TACC3: variants seen among roughly 807,000 people sequenced by gnomAD.
TACC3 encodes transforming acidic coiled-coil containing protein 3.
TACC3 carries 52 observed loss-of-function variants against 86.0 expected under a neutral mutation model. That is an observed-to-expected ratio of 0.60 (90% CI 0.48 to 0.76). The LOEUF (loss-of-function observed/expected upper bound fraction) is 0.76, where lower values mean the gene tolerates loss of function less well. Among genes scored for constraint, TACC3 ranks in the 30% least tolerant of loss-of-function variants. The probability of loss-of-function intolerance (pLI) is 0.00; values close to 1 mark genes in which losing one functional copy is unlikely to be tolerated. For missense variants in TACC3, 1,120 were observed against 1,070.4 expected (o/e 1.05, Z -0.65); for synonymous variants, 512 against 430.0 (o/e 1.19, Z -2.36).
Position 1,735,195 on chromosome 4 carries a change from T to G in TACC3, c.1592-78T>G. On this transcript the variant is annotated intron_variant, in intron 6 of 15. Coordinates refer to ENST00000313288, the MANE Select transcript of TACC3 (RefSeq NM_006342.3). This position sits in a 1 kb window ranked among gnomAD's most constrained non-coding sequence, Gnocchi z 4.2. ...GCTGGAATGATCCTGCCTCACTGAGTGCTGAGGGAGACACCAGCCCGCCGC... is the reference window on the plus strand; with the variant it reads ...GCTGGAATGATCCTGCCTCACTGAGGGCTGAGGGAGACACCAGCCCGCCGC... 1 of 1,561,050 alleles carries G rather than the reference T, an allele frequency of 6.4e-7. No individual in the cohort carries two copies. The highest frequency in any genetic ancestry group is 8.8e-7 in the Non-Finnish European group (1 of 1,133,930).
Position 1,724,028 on chromosome 4 carries a change from G to A in TACC3, c.305+158G>A, listed in dbSNP as rs545432581. On this transcript the variant is annotated intron_variant, in intron 3 of 15. Transcript: ENST00000313288. ...CTGTTGCCCACGCTGGAGTGCAGTGGCGCGATGTCCGCTCACTGCAAGCTC... is the reference window on the plus strand; with the variant it reads ...CTGTTGCCCACGCTGGAGTGCAGTGACGCGATGTCCGCTCACTGCAAGCTC... Among the ~76,000 whole-genome samples the A allele has an allele frequency of 1.3e-3, 199 of 152,074 alleles. 2 individuals carry two copies. Among genetic ancestry groups the A allele is most frequent in the African/African-American group, 4.5e-3 (185 of 41,480 alleles).
At chr4:1,739,038 G>A (rs998745726) in intron 10 of TACC3, among the ~76,000 whole-genome samples, 1 of 152,210 alleles carries the variant, frequency 6.6e-6, no homozygotes, top group Admixed American at 6.5e-5. Flanking sequence ...GCCGGGTGCA[G>A]TGGGTCACGC....
intron 13 of TACC3, among the ~76,000 whole-genome samples, chr4:1,744,065 G>C (rs1168711705): frequency 2.0e-5 from 3 of 152,206 alleles, no homozygotes; most frequent in Non-Finnish European, 4.4e-5. Flanking sequence ...TCACTGAGCG[G>C]AAGGTGCCCC....
At position 1,728,388 on chromosome 4, in the gene TACC3, GCTC is replaced by G; in HGVS notation, c.990_992del (p.Ser331del). The G allele has an allele frequency of 6.2e-7, 1 of 1,613,154 alleles. No homozygotes were observed. The highest frequency in any genetic ancestry group is 8.5e-7 in the Non-Finnish European group (1 of 1,180,018). The stretch of plus-strand genomic sequence containing the variant: ...GAAGTGGCTGCAGGCCAAATGGCCA[GCTC>G]CTCGAGGAGCGGACCTGTAAAACTA... On this transcript the variant is annotated inframe_deletion, in exon 4 of 16. Transcript: ENST00000313288.
chr4:1,736,529 C>G (rs756260613), intron 8 of TACC3, among the ~76,000 whole-genome samples: 1 of 151,834 alleles, frequency 6.6e-6, no homozygotes, highest in African/African-American at 2.4e-5. Context: ...CGTCACAGAG[C>G]CATGCCCGTT....
Position 1,739,749 on chromosome 4 carries a change from G to A in TACC3, c.1989G>A (p.Glu663=), listed in dbSNP as rs1356721123. 6.3e-7 allele frequency: 1 copy of A among 1,587,226 alleles called. No individual in the cohort carries two copies. The change falls in exon 11 of 16, where the codon GAG becomes GAA. Residue 663 remains glutamate (E), a synonymous_variant. Coordinates refer to ENST00000313288, the MANE Select transcript of TACC3 (RefSeq NM_006342.3). Reference sequence around the variant, plus strand: ...ACCGGGAGCTGAGGAGCAGGTGTGAGGAGCTCCACGGGAAGAACCTGGAAC... The same window carrying A: ...ACCGGGAGCTGAGGAGCAGGTGTGAAGAGCTCCACGGGAAGAACCTGGAAC... The part of the protein sequence containing the change: ...EENRELRSRC[E]ELHGKNLELG...
At chr4:1,738,830 G>A (rs193097658) in intron 10 of TACC3, among the ~76,000 whole-genome samples, 49 of 152,142 alleles carry the variant, frequency 3.2e-4, no homozygotes, top group Middle Eastern at 3.4e-3. Flanking sequence ...GTAGTTTGAC[G>A]GGAAGGACGG....
chr4:1,737,562 C>T (rs377351034), intron 9 of TACC3, 36 bp from the exon 10 acceptor site: 66 of 1,454,110 alleles, frequency 4.5e-5, no homozygotes, highest in Non-Finnish European at 5.8e-5. Context: ...GAGGCAAGGG[C>T]GAAATGGGTT....
At chr4:1,727,636 G>C in intron 3 of TACC3, 72 bp from the exon 4 acceptor site, 1 of 1,520,510 alleles carries the variant, frequency 6.6e-7, no homozygotes, top group South Asian at 1.3e-5. Flanking sequence ...AACCTATGTT[G>C]AGAATGAATG....
In TACC3 at chr4:1,728,580, AC is replaced by A. The variant is rs757553939; in HGVS notation, c.1185del (p.Met396CysfsTer65). The part of the protein sequence containing the change: ...EDDGRSGAGE[D>X]PPMPASRGSY... The stretch of plus-strand genomic sequence containing the variant: ...GACGGTAGGAGCGGAGCAGGAGAGG[AC>A]CCCCCCATGCCAGCTTCTCGGGGCT... On this transcript the variant is annotated frameshift_variant, in exon 4 of 16. Transcript: ENST00000313288. LOFTEE classifies it high-confidence loss of function. 5 of 1,612,170 alleles carry A rather than the reference AC, an allele frequency of 3.1e-6. No homozygotes were observed. The highest frequency in any genetic ancestry group is 4.2e-6 in the Non-Finnish European group (5 of 1,179,438).
chr4:1,735,407 C>T lies in TACC3; in HGVS notation c.1644+82C>T. ...GGCAGGTCTTGCCCCCGGAGCGTCC[C>T]TTGGTGCCCACGTCCCCCCAGCTGC... On this transcript the variant is annotated intron_variant, in intron 7 of 15. Transcript: ENST00000313288. The surrounding 1 kb of genome is among the most constrained non-coding windows in gnomAD (Gnocchi z 4.2). The T allele has an allele frequency of 6.5e-7, 1 of 1,529,636 alleles. No individual in the cohort carries two copies. 94.8% of individuals were successfully genotyped at this position (1,529,636 alleles called of 1,614,324 possible). A position where few individuals can be genotyped will look rare whatever the true frequency, so the allele number is the denominator to read the frequency against.
chr4:1,739,110 C>G lies in TACC3; in HGVS notation c.1942-592C>G, dbSNP rs932819316. Reference sequence around the variant, plus strand: ...GATCACGAGGTCAAGAGATGGAGACCATCCTGGCTAACACGGTGAAACCCT... The same window carrying G: ...GATCACGAGGTCAAGAGATGGAGACGATCCTGGCTAACACGGTGAAACCCT... On this transcript the variant is annotated intron_variant, in intron 10 of 15. Coordinates refer to ENST00000313288, the MANE Select transcript of TACC3 (RefSeq NM_006342.3). 2.6e-5 allele frequency among the ~76,000 whole-genome samples: 4 copies of G among 152,240 alleles called. No individual in the cohort carries two copies. In the East Asian group the frequency reaches 7.7e-4, roughly 29 times the overall value.
chr4:1,737,391 G>A (rs570032852), intron 9 of TACC3, 63 bp downstream of exon 9: 4 of 1,506,550 alleles, frequency 2.7e-6, no homozygotes, highest in Non-Finnish European at 3.7e-6. Context: ...GTTGTTTTAA[G>A]GGCCTATATT....
Position 1,728,092 on chromosome 4 carries a change from C to G in TACC3, c.690C>G (p.His230Gln), listed in dbSNP as rs774846586. The part of the protein sequence containing the change: ...AEEECKAETP[H>Q]GAEEECRHGG... ...AAGAATGCAAAGCGGAGACTCCGCA[C>G]GGAGCCGAGGAGGAATGCCGGCACG... The change falls in exon 4 of 16, where the codon CAC (histidine) becomes CAG (glutamine). Residue 230 changes from histidine to glutamine, a missense_variant. Transcript: ENST00000313288. The G allele has an allele frequency of 3.7e-6, 6 of 1,605,382 alleles. No homozygotes were observed. Among genetic ancestry groups the G allele is most frequent in the Non-Finnish European group, 5.1e-6 (6 of 1,177,518 alleles).
chr4:1,744,533 A>G lies in TACC3; in HGVS notation c.2239A>G (p.Lys747Glu), dbSNP rs1247910677. The G allele has an allele frequency of 6.2e-6, 10 of 1,612,868 alleles. No homozygotes were observed. Residue 747 changes from lysine (K) to glutamate (E), a missense_variant, in exon 14 of 16, where the codon AAG becomes GAG. Transcript: ENST00000313288. ...EGYRKNEESL[K>E]KCVEDYLARI... ...CCCTTCCTAGAACGAAGAGTCACTGAAGAAGTGCGTGGAGGATTACCTGGC... is the reference window on the plus strand; with the variant it reads ...CCCTTCCTAGAACGAAGAGTCACTGGAGAAGTGCGTGGAGGATTACCTGGC...
chr4:1,737,778 C>A, intron 10 of TACC3, 76 bp downstream of exon 10: 2 of 1,331,608 alleles, frequency 1.5e-6, no homozygotes, highest in Non-Finnish European at 2.1e-6. Flanking sequence ...GGCAGGGGTC[C>A]AACAGCCTGA....
At chr4:1,722,659 C>A (rs1298489697) in intron 1 of TACC3, among the ~76,000 whole-genome samples, 4 of 152,182 alleles carry the variant, frequency 2.6e-5, no homozygotes, top group Non-Finnish European at 5.9e-5. Context: ...GGGGTTCCTG[C>A]CCTGGTCGAC....
At chr4:1,726,048 C>CA (rs1662059784) in intron 3 of TACC3, among the ~76,000 whole-genome samples, 1 of 152,262 alleles carries the variant, frequency 6.6e-6, no homozygotes, top group Admixed American at 6.5e-5. Flanking sequence ...TGCGTCTTCT[C>CA]AGGGACCTGA....
intron 6 of TACC3, among the ~76,000 whole-genome samples, chr4:1,733,541 C>G (rs142889481): frequency 3.9e-5 from 6 of 151,966 alleles, no homozygotes; most frequent in Non-Finnish European, 7.4e-5. Flanking sequence ...CACCTATAGT[C>G]CCAGCTGCTC....
Sources: gnomAD v4.1 joint callset for allele counts (sites outside exome capture counted in the v4.1 genomes callset) on GRCh38, gnomAD v4.1.1 for gene constraint, Gnocchi (gnomAD v3.1) non-coding constraint, MANE v1.5 for transcripts, NCBI Gene and HGNC (gene_info 2026-07-23, HGNC 2026-07-21) for gene names.